CDK17: variants seen among roughly 807,000 people sequenced by gnomAD.
CDK17 encodes cyclin dependent kinase 17, also known as cyclin-dependent kinase 17.
A neutral mutation model predicts 77.6 loss-of-function variants in CDK17; 24 were observed. That is an observed-to-expected ratio of 0.31 (90% CI 0.22 to 0.44). The LOEUF (loss-of-function observed/expected upper bound fraction) is 0.44. Among genes scored for constraint, CDK17 ranks in the 20% least tolerant of loss-of-function variants. The pLI, the probability that CDK17 is intolerant of heterozygous loss-of-function variation, is 1.00. For synonymous variants in CDK17, 203 were observed against 210.4 expected (o/e 0.96, Z 0.30); for missense variants, 429 against 622.5 (o/e 0.69, Z 3.31).
intron 16 of CDK17, 25 bp downstream of exon 16, chr12:96,280,783 G>A (rs373498246): frequency 9.3e-6 from 15 of 1,609,074 alleles, no homozygotes; most frequent in African/African-American, 8.0e-5. Context: ...TGATCGACAC[G>A]TGAAATGGTT....
intron 3 of CDK17, among the ~76,000 whole-genome samples, chr12:96,320,416 C>G (rs1205438062): frequency 1.1e-4 from 16 of 149,222 alleles, no homozygotes; most frequent in Non-Finnish European, 2.2e-4. Context: ...CCATCCCCAT[C>G]AAGCTACCAA....
intron 2 of CDK17, among the ~76,000 whole-genome samples, chr12:96,329,347 T>C (rs888571648): frequency 7.9e-5 from 12 of 152,302 alleles, no homozygotes; most frequent in Non-Finnish European, 1.5e-4. Flanking sequence ...ATATGAAAAA[T>C]TGCAGATCTT....
chr12:96,309,283 T>A (rs1454160203), intron 5 of CDK17, among the ~76,000 whole-genome samples: 1 of 150,030 alleles, frequency 6.7e-6, no homozygotes. Context: ...CCTTCATTCA[T>A]AGGCCGTTTT....
chr12:96,280,201 A>G lies in CDK17; in HGVS notation c.*41T>C, dbSNP rs1952157641. ...CTTCAGTTCTGAGTCCTTGATTGGT[A>G]AGAAAGGCTGGGGGCTGGGCTTGAA... On this transcript the variant is annotated 3_prime_UTR_variant, in exon 17 of 17. Transcript: ENST00000261211. The G allele has an allele frequency of 3.2e-6, 5 of 1,544,944 alleles. No individual in the cohort carries two copies. Among genetic ancestry groups the G allele is most frequent in the Non-Finnish European group, 4.4e-6 (5 of 1,143,774 alleles).
rs774072638 is a variant in CDK17, at chr12:96,286,071, GTTTATA to G, written c.1288_1293del (p.Tyr430_Lys431del). 27 of 1,563,044 alleles carry G rather than the reference GTTTATA, an allele frequency of 1.7e-5. 1 individual carries two copies. The highest frequency in any genetic ancestry group is 1.3e-5 in the Non-Finnish European group (15 of 1,151,002). On this transcript the variant is annotated inframe_deletion, in exon 13 of 17. Coordinates refer to ENST00000261211, the MANE Select transcript of CDK17 (RefSeq NM_002595.5). ...GGTGCGTGGTTAATTAGAGGCTGTG[GTTTATA>G]TTTTGGAAAGTTGTAGTTCTTGAAC...
At position 96,390,079 on chromosome 12, in the gene CDK17, C is replaced by T. The variant is rs183224625; in HGVS notation, c.-30+9907G>A. 7.9e-5 allele frequency among the ~76,000 whole-genome samples: 12 copies of T among 151,944 alleles called. No individual in the cohort carries two copies. In the East Asian group the frequency reaches 2.3e-3, roughly 30 times the overall value. On this transcript the variant is annotated intron_variant, in intron 1 of 16. Coordinates refer to ENST00000261211, the MANE Select transcript of CDK17 (RefSeq NM_002595.5). Reference sequence around the variant, plus strand: ...TCCTGACCTCATAATCCGCCTGCCTCAGCCTCCCAAAGTGCTGGGATTACA... The same window carrying T: ...TCCTGACCTCATAATCCGCCTGCCTTAGCCTCCCAAAGTGCTGGGATTACA...
intron 3 of CDK17, among the ~76,000 whole-genome samples, chr12:96,317,553 G>C (rs1324808168): frequency 1.7e-5 from 2 of 116,644 alleles, no homozygotes; most frequent in African/African-American, 6.4e-5. Context: ...AGAGAGAAAG[G>C]TCGGGTTACC....
chr12:96,368,560 A>C (rs1217625047), intron 1 of CDK17, among the ~76,000 whole-genome samples: 1 of 152,180 alleles, frequency 6.6e-6, no homozygotes, highest in Non-Finnish European at 1.5e-5. Flanking sequence ...GCACAGGCCA[A>C]TCTTGTTGCC....
intron 1 of CDK17, among the ~76,000 whole-genome samples, chr12:96,360,539 C>T (rs1432325126): frequency 6.6e-6 from 1 of 152,088 alleles, no homozygotes; most frequent in African/African-American, 2.4e-5. Flanking sequence ...CAAAAATTAT[C>T]AAAATAAGAT....
intron 2 of CDK17, among the ~76,000 whole-genome samples, chr12:96,332,845 T>A (rs1280213250): frequency 1.3e-5 from 2 of 152,222 alleles, no homozygotes; most frequent in Non-Finnish European, 2.9e-5. Flanking sequence ...ACAAATATTT[T>A]TAATCTTTCA....
chr12:96,392,915 A>G (rs1399771272), intron 1 of CDK17, among the ~76,000 whole-genome samples: 2 of 152,224 alleles, frequency 1.3e-5, no homozygotes, highest in East Asian at 3.9e-4. Flanking sequence ...TATATGTTAC[A>G]ATATTGCCAC....
Position 96,278,540 on chromosome 12 carries a change from CAATA to C in CDK17, c.*1698_*1701del, listed in dbSNP as rs1290042630. On this transcript the variant is annotated 3_prime_UTR_variant, in exon 17 of 17. Transcript: ENST00000261211. ...TCATCCCCAAGAAAGAACTGTGACT[CAATA>C]AAACCACATTTTAACAACATGGAGA... The C allele has an allele frequency of 2.0e-5, 3 of 152,420 alleles. No individual in the cohort carries two copies. The highest frequency in any genetic ancestry group is 4.8e-5 in the African/African-American group (2 of 41,388). 9.4% of individuals were successfully genotyped at this position (152,420 alleles called of 1,614,324 possible).
At chr12:96,326,413 T>A (rs1287612680) in intron 2 of CDK17, among the ~76,000 whole-genome samples, 1 of 152,202 alleles carries the variant, frequency 6.6e-6, no homozygotes, top group East Asian at 1.9e-4. Flanking sequence ...TTACACTGTA[T>A]ATTGAGGAAA....
chr12:96,366,852 T>C (rs1429215268), intron 1 of CDK17, among the ~76,000 whole-genome samples: 2 of 152,176 alleles, frequency 1.3e-5, no homozygotes, highest in African/African-American at 2.4e-5. Flanking sequence ...AGTAGAAAGA[T>C]ATCAACTACA....
chr12:96,303,497 T>C (rs994697214), intron 5 of CDK17: 1 of 152,218 alleles, frequency 6.6e-6, no homozygotes, highest in East Asian at 1.9e-4. Flanking sequence ...GGTATGATAC[T>C]ATCACTGCTC....
intron 1 of CDK17, among the ~76,000 whole-genome samples, chr12:96,367,322 G>A (rs1041215975): frequency 3.1e-5 from 4 of 127,762 alleles, no homozygotes; most frequent in African/African-American, 1.2e-4. Context: ...TTCAGCCTGG[G>A]TGACAGAATG....
intron 14 of CDK17, 73 bp from the exon 15 acceptor site, chr12:96,282,672 A>C: frequency 1.2e-6 from 1 of 860,528 alleles, no homozygotes; most frequent in Admixed American, 2.1e-5. Flanking sequence ...TGGGCAAATT[A>C]GCATTTAGAG....
At chr12:96,341,310 C>CATAT (rs1953118058) in intron 1 of CDK17, among the ~76,000 whole-genome samples, 1 of 80,370 alleles carries the variant, frequency 1.2e-5, no homozygotes, top group African/African-American at 4.7e-5. Context: ...TAGCACTTAT[C>CATAT]ATATACATAC....
chr12:96,307,118 A>T (rs900597068), intron 5 of CDK17, among the ~76,000 whole-genome samples: 1 of 152,148 alleles, frequency 6.6e-6, no homozygotes, highest in Non-Finnish European at 1.5e-5. Context: ...CAACATGGAG[A>T]AACCCCATCT....
Sources: allele counts gnomAD v4.1 joint callset (sites outside exome capture counted in the v4.1 genomes callset), GRCh38; gene constraint gnomAD v4.1.1; transcripts MANE v1.5; gene names NCBI Gene and HGNC (gene_info 2026-07-23, HGNC 2026-07-21).